The following TENM3 variants were observed in gnomAD, a reference collection of about 807,000 sequenced individuals.
The protein encoded by TENM3 is teneurin-3.
A neutral mutation model predicts 255.1 loss-of-function variants in TENM3; 63 were observed. The observed-to-expected ratio is 0.25, with a 90% confidence interval of 0.20 to 0.30. TENM3 has a LOEUF of 0.30. Among genes scored for constraint, TENM3 ranks in the 10% least tolerant of loss-of-function variants. The pLI, the probability that TENM3 is intolerant of heterozygous loss-of-function variation, is 1.00. For synonymous variants in TENM3, 1,306 were observed against 1,322.3 expected, an observed-to-expected ratio of 0.99 and a Z score of 0.27; for missense variants, 2,929 against 3,461.1, an observed-to-expected ratio of 0.85 and a Z score of 3.86.
At chr4:181,929,469 C>T in the TENM3 span, among the ~76,000 whole-genome samples, 1 of 152,014 alleles carries the variant, frequency 6.6e-6, no homozygotes, top group Non-Finnish European at 1.5e-5. Flanking sequence ...ATCAATGTAA[C>T]AAGAAGAGCT....
chr4:182,777,549 T>G (rs865924855), intron 24 of TENM3, among the ~76,000 whole-genome samples: 243 of 61,000 alleles, frequency 4.0e-3, no homozygotes, highest in South Asian at 0.011. Context: ...GTGTATTTCT[T>G]TTTTTTTTTT....
the TENM3 span, among the ~76,000 whole-genome samples, chr4:182,132,989 C>T: frequency 3.3e-5 from 5 of 152,094 alleles, no homozygotes; most frequent in African/African-American, 4.8e-5. Flanking sequence ...GTGGTGGGCA[C>T]GTTGTCTGCA....
At chr4:181,806,172 G>T in the TENM3 span, among the ~76,000 whole-genome samples, 5 of 152,190 alleles carry the variant, frequency 3.3e-5, no homozygotes, top group Admixed American at 6.5e-5. Context: ...TTCGCAGTTT[G>T]CTTTTTCCCT....
the TENM3 span, among the ~76,000 whole-genome samples, chr4:182,100,665 A>ATACACATATG: frequency 1.9e-5 from 2 of 104,256 alleles, no homozygotes; most frequent in Non-Finnish European, 3.9e-5. Flanking sequence ...ATACACATAT[A>ATACACATATG]TACACATATA....
the TENM3 span, among the ~76,000 whole-genome samples, chr4:181,835,579 G>T: frequency 1.3e-5 from 2 of 152,122 alleles, no homozygotes; most frequent in Non-Finnish European, 2.9e-5. Flanking sequence ...ATCATTTCCA[G>T]GTTGCTTGGT....
At chr4:182,216,718 T>A (rs916156746) in intron 1 of TENM3, among the ~76,000 whole-genome samples, 7 of 152,222 alleles carry the variant, frequency 4.6e-5, no homozygotes, top group African/African-American at 1.7e-4. Context: ...CACAGTTGAA[T>A]TCCTAGATTC....
chr4:182,667,917 T>G (rs4516761), intron 6 of TENM3, among the ~76,000 whole-genome samples: 36,168 of 151,810 alleles, frequency 0.24, 4,598 homozygotes, highest in East Asian at 0.39. Flanking sequence ...CCTGCACGTT[T>G]TGCACGTGTA....
At chr4:182,695,057 GTAATT>G (rs1466282440) in intron 12 of TENM3, among the ~76,000 whole-genome samples, 1 of 152,140 alleles carries the variant, frequency 6.6e-6, no homozygotes, top group Non-Finnish European at 1.5e-5. Context: ...AAAACAATAT[GTAATT>G]CTAAAAATAT....
chr4:181,933,866 A>AT, the TENM3 span, among the ~76,000 whole-genome samples: 1 of 152,140 alleles, frequency 6.6e-6, no homozygotes, highest in African/African-American at 2.4e-5. Context: ...GACTCAATAG[A>AT]TTTTTTGTGT....
At chr4:181,521,508 G>A in the TENM3 span, among the ~76,000 whole-genome samples, 14 of 152,230 alleles carry the variant, frequency 9.2e-5, no homozygotes, top group South Asian at 4.1e-4. Flanking sequence ...GAAGTTTCCC[G>A]TTTTGCTTTG....
At chr4:182,345,153 C>T (rs1764725644) in intron 2 of TENM3, among the ~76,000 whole-genome samples, 2 of 152,134 alleles carry the variant, frequency 1.3e-5, no homozygotes. Context: ...ATTTGGAAGT[C>T]TGACCGAGAT....
chr4:182,132,098 T>G, the TENM3 span, among the ~76,000 whole-genome samples: 2 of 152,214 alleles, frequency 1.3e-5, no homozygotes, highest in African/African-American at 4.8e-5. Context: ...GCTGAAATCT[T>G]CTGTAAGTCT....
At chr4:182,407,264 A>T (rs1561414797) in intron 3 of TENM3, among the ~76,000 whole-genome samples, 2 of 152,170 alleles carry the variant, frequency 1.3e-5, no homozygotes, top group African/African-American at 4.8e-5. Context: ...TGGAAAACCA[A>T]TTTTTTACTT....
chr4:182,648,944 C>T (rs369151235), intron 5 of TENM3, among the ~76,000 whole-genome samples: 1 of 152,180 alleles, frequency 6.6e-6, no homozygotes, highest in African/African-American at 2.4e-5. Flanking sequence ...CATTGTATAT[C>T]TGCACTATAA....
intron 13 of TENM3, among the ~76,000 whole-genome samples, chr4:182,722,344 C>G (rs528152460): frequency 5.3e-5 from 8 of 152,274 alleles, no homozygotes; most frequent in Non-Finnish European, 1.0e-4. Flanking sequence ...GCCTTTTCAA[C>G]TGTTTAGAAC....
the TENM3 span, among the ~76,000 whole-genome samples, chr4:182,008,727 A>G: frequency 2.0e-5 from 3 of 151,950 alleles, no homozygotes; most frequent in African/African-American, 7.3e-5. Context: ...TACTTCTGTC[A>G]ATTTGTCCAT....
chr4:182,476,807 A>G (rs900903005), intron 3 of TENM3, among the ~76,000 whole-genome samples: 11 of 152,160 alleles, frequency 7.2e-5, no homozygotes, highest in Admixed American at 2.6e-4. Flanking sequence ...GAAGAATACC[A>G]TCTCTCCTGT....
chr4:182,098,401 C>G, the TENM3 span, among the ~76,000 whole-genome samples: 1 of 152,150 alleles, frequency 6.6e-6, no homozygotes, highest in African/African-American at 2.4e-5. Context: ...AACTGCAGTA[C>G]TATTCACAAT....
intron 3 of TENM3, among the ~76,000 whole-genome samples, chr4:182,481,001 C>T (rs887121402): frequency 6.6e-5 from 10 of 151,888 alleles, no homozygotes; most frequent in African/African-American, 1.5e-4. Flanking sequence ...TTTGAAGAGT[C>T]GTTTTCTTTT....
Sources: allele counts gnomAD v4.1 joint callset (sites outside exome capture counted in the v4.1 genomes callset), GRCh38; gene constraint gnomAD v4.1.1; transcripts MANE v1.5; gene names NCBI Gene and HGNC (gene_info 2026-07-23, HGNC 2026-07-21).